RANBP17: variants seen among roughly 807,000 people sequenced by gnomAD.
RANBP17 encodes ran-binding protein 17.
In RANBP17, 158 loss-of-function variants were observed where a neutral mutation model predicts 141.2. The ratio of observed to expected loss-of-function variants is 1.12; its 90% CI spans 0.98 to 1.28. The LOEUF (loss-of-function observed/expected upper bound fraction) is 1.28, where lower values mean the gene tolerates loss of function less well. Ranked by LOEUF, RANBP17 falls within the 50% of genes most tolerant of loss-of-function variation. The pLI, the probability that RANBP17 is intolerant of heterozygous loss-of-function variation, is 0.00. For synonymous variants in RANBP17, 430 were observed against 450.0 expected, an observed-to-expected ratio of 0.96 and a Z score of 0.56; for missense variants, 1,438 against 1,290.7, an observed-to-expected ratio of 1.11 and a Z score of -1.75.
intron 11 of RANBP17, among the ~76,000 whole-genome samples, chr5:170,920,906 C>T (rs964076650): frequency 1.7e-4 from 26 of 152,128 alleles, no homozygotes; most frequent in Non-Finnish European, 4.4e-5. Flanking sequence ...TGAGAAGTAT[C>T]TGTTCATATC....
At chr5:171,050,283 A>T (rs747543751) in intron 14 of RANBP17, among the ~76,000 whole-genome samples, 12 of 152,190 alleles carry the variant, frequency 7.9e-5, no homozygotes, top group Non-Finnish European at 1.5e-4. Context: ...TGTTCTAGAA[A>T]TTATACATAT....
At chr5:170,909,906 A>G (rs932019724) in intron 6 of RANBP17, 141 bp downstream of exon 6, 7 of 549,626 alleles carry the variant, frequency 1.3e-5, no homozygotes, top group African/African-American at 2.0e-5. Flanking sequence ...GTAAATTTGC[A>G]TAAGTCTGTA....
intron 14 of RANBP17, among the ~76,000 whole-genome samples, chr5:171,165,646 A>T (rs116417381): frequency 0.015 from 2,286 of 152,296 alleles, 49 homozygotes; most frequent in African/African-American, 0.051. Flanking sequence ...GTGTTCTAAG[A>T]CAATATACCA....
intron 14 of RANBP17, among the ~76,000 whole-genome samples, chr5:171,000,976 C>A (rs377388483): frequency 6.6e-6 from 1 of 152,036 alleles, no homozygotes; most frequent in East Asian, 1.9e-4. Context: ...TCAGGCCGTC[C>A]GGATGTATAT....
intron 14 of RANBP17, among the ~76,000 whole-genome samples, chr5:171,119,896 G>A (rs1035460616): frequency 1.3e-4 from 20 of 151,860 alleles, no homozygotes; most frequent in Non-Finnish European, 2.1e-4. Context: ...AAAATTAGCC[G>A]GGCATGGTGA....
At chr5:170,931,559 T>G (rs980077610) in intron 12 of RANBP17, among the ~76,000 whole-genome samples, 29 of 152,350 alleles carry the variant, frequency 1.9e-4, no homozygotes, top group African/African-American at 7.0e-4. Context: ...TGTAAGTCTT[T>G]AATCCATCTT....
At chr5:170,875,195 CTGT>C in intron 1 of RANBP17, among the ~76,000 whole-genome samples, 1 of 152,160 alleles carries the variant, frequency 6.6e-6, no homozygotes. Context: ...GCAGAGAGAT[CTGT>C]TGTTAGTCTG....
chr5:170,996,825 G>A (rs942955110), intron 14 of RANBP17, among the ~76,000 whole-genome samples: 2 of 152,098 alleles, frequency 1.3e-5, no homozygotes, highest in Non-Finnish European at 2.9e-5. Flanking sequence ...CTATAAAATT[G>A]AAGTGGATTG....
At chr5:171,075,627 C>T (rs1325154451) in intron 14 of RANBP17, among the ~76,000 whole-genome samples, 7 of 152,062 alleles carry the variant, frequency 4.6e-5, no homozygotes, top group Non-Finnish European at 1.0e-4. Context: ...GTGACAGTTG[C>T]ACAACTCTGT....
Position 171,164,499 on chromosome 5 carries a change from T to C in RANBP17, c.1711-5631T>C, listed in dbSNP as rs977492848. On this transcript the variant is annotated intron_variant, in intron 14 of 27. Coordinates refer to ENST00000523189, the MANE Select transcript of RANBP17 (RefSeq NM_022897.5). The stretch of plus-strand genomic sequence containing the variant: ...CTACTTGCAAATTCTACAGGCAATA[T>C]TTGTCATTTGATGAGTTGAGAATTT... Among the ~76,000 whole-genome samples the C allele has an allele frequency of 2.0e-5, 3 of 151,534 alleles. 1 individual carries two copies. In the South Asian group the frequency reaches 6.2e-4, roughly 32 times the overall value.
intron 25 of RANBP17, among the ~76,000 whole-genome samples, chr5:171,286,286 A>G (rs1035069288): frequency 6.6e-6 from 1 of 152,194 alleles, no homozygotes; most frequent in Non-Finnish European, 1.5e-5. Flanking sequence ...TTTAACAGCA[A>G]GACTAGCATT....
At chr5:171,252,511 G>A (rs191335226) in intron 24 of RANBP17, 1 of 1,439,080 alleles carries the variant, frequency 6.9e-7, no homozygotes, top group African/African-American at 1.4e-5. Flanking sequence ...GTATTACTGT[G>A]AAGAGTGTCG....
intron 3 of RANBP17, among the ~76,000 whole-genome samples, chr5:170,888,471 T>A (rs1769335827): frequency 6.6e-6 from 1 of 152,190 alleles, no homozygotes; most frequent in Non-Finnish European, 1.5e-5. Context: ...ATATTTCATT[T>A]TTGAGGGTAC....
chr5:170,931,027 A>G (rs1251604181), intron 12 of RANBP17, among the ~76,000 whole-genome samples: 1 of 152,198 alleles, frequency 6.6e-6, no homozygotes, highest in Non-Finnish European at 1.5e-5. Flanking sequence ...AGTCCCACCA[A>G]CAGTGTAAAA....
At chr5:171,260,025 C>T (rs577552593) in intron 24 of RANBP17, among the ~76,000 whole-genome samples, 135 of 151,090 alleles carry the variant, frequency 8.9e-4, no homozygotes, top group Non-Finnish European at 9.0e-4. Context: ...TTAGGTCGGG[C>T]GCAGTGGCTC....
chr5:171,258,480 T>C (rs2128011736), intron 24 of RANBP17, among the ~76,000 whole-genome samples: 1 of 152,242 alleles, frequency 6.6e-6, no homozygotes, highest in East Asian at 1.9e-4. Context: ...GACTTCAAAA[T>C]ATATTACAAG....
At chr5:171,195,939 C>T (rs979310077) in intron 18 of RANBP17, among the ~76,000 whole-genome samples, 1 of 152,228 alleles carries the variant, frequency 6.6e-6, no homozygotes, top group African/African-American at 2.4e-5. Flanking sequence ...AATCCATTGC[C>T]TGCGTAAGCA....
Position 171,298,797 on chromosome 5 carries a change from T to C in RANBP17, c.3206T>C (p.Val1069Ala). Residue 1069 changes from valine to alanine, a missense_variant, in exon 28 of 28, where the codon GTG (valine) becomes GCG (alanine). Physicochemically the swap from Val to Ala is moderately conservative, Grantham distance 64 (BLOSUM62 0). Coordinates refer to ENST00000523189, the MANE Select transcript of RANBP17 (RefSeq NM_022897.5). ...AATCTGTCTGTATTCAGAAGAGATG[T>C]GGCAGAGGCGTTGCGCAGTGATGGC... ...TQNLSVFRRD[V>A]AEALRSDGNT... 6.2e-7 allele frequency: 1 copy of C among 1,614,204 alleles called. No homozygotes were observed. Among genetic ancestry groups the C allele is most frequent in the South Asian group, 1.1e-5 (1 of 91,078 alleles).
intron 12 of RANBP17, among the ~76,000 whole-genome samples, chr5:170,948,149 G>A (rs1774912227): frequency 6.6e-6 from 1 of 152,202 alleles, no homozygotes; most frequent in Admixed American, 6.5e-5. Context: ...AACTGTGTGA[G>A]TACTGGCAAA....
Sources: allele counts gnomAD v4.1 joint callset (sites outside exome capture counted in the v4.1 genomes callset), GRCh38; gene constraint gnomAD v4.1.1; transcripts MANE v1.5; gene names NCBI Gene and HGNC (gene_info 2026-07-23, HGNC 2026-07-21).